Variants in STARD13 observed in about 807,000 individuals in gnomAD.
The protein encoded by STARD13 is StAR related lipid transfer domain containing 13.
Under a neutral mutation model 106.4 loss-of-function variants are expected in STARD13, and 62 were observed. The observed-to-expected ratio is 0.58, with a 90% CI of 0.48 to 0.72. The LOEUF is 0.72. STARD13 is among the 30% of genes least tolerant of loss of function. The probability of loss-of-function intolerance (pLI) is 0.00; values close to 1 mark genes in which losing one functional copy is unlikely to be tolerated. For missense variants in STARD13, 1,387 were observed against 1,424.0 expected (o/e 0.97, Z 0.42); for synonymous variants, 565 against 553.0 (o/e 1.02, Z -0.31).
the STARD13 span, among the ~76,000 whole-genome samples, chr13:33,419,654 G>C: frequency 4.6e-5 from 7 of 152,168 alleles, no homozygotes; most frequent in African/African-American, 1.7e-4. Context: ...ACACATAATT[G>C]TCAGATTCAC....
chr13:33,374,702 G>T, the STARD13 span, among the ~76,000 whole-genome samples: 1 of 152,136 alleles, frequency 6.6e-6, no homozygotes, highest in East Asian at 1.9e-4. Flanking sequence ...AATAGAGATG[G>T]TGGGGGCAGG....
At chr13:33,391,891 T>C in the STARD13 span, among the ~76,000 whole-genome samples, 647 of 152,232 alleles carry the variant, frequency 4.3e-3, 9 homozygotes, top group African/African-American at 0.014. Flanking sequence ...GCAATACTTA[T>C]GATTTTTTGG....
chr13:33,172,201 C>T (rs758046144), intron 1 of STARD13, among the ~76,000 whole-genome samples: 15 of 152,110 alleles, frequency 9.9e-5, no homozygotes, highest in Middle Eastern at 3.4e-3. Context: ...GAATACATTG[C>T]GAATATTTTC....
At chr13:33,438,968 G>C in the STARD13 span, among the ~76,000 whole-genome samples, 1 of 152,208 alleles carries the variant, frequency 6.6e-6, no homozygotes. Flanking sequence ...TAACTTTCAA[G>C]TCTAGCAATA....
At chr13:33,227,451 G>A (rs1050395860) in intron 1 of STARD13, among the ~76,000 whole-genome samples, 4 of 152,150 alleles carry the variant, frequency 2.6e-5, no homozygotes, top group Non-Finnish European at 4.4e-5. Context: ...TCTACAAATA[G>A]TGAAGCTAGT....
chr13:33,334,591 C>A (rs571997907), intron 1 of STARD13, among the ~76,000 whole-genome samples: 2 of 152,290 alleles, frequency 1.3e-5, no homozygotes, highest in South Asian at 4.1e-4. Context: ...GAGAGACCCT[C>A]AAGAGGTGGG....
chr13:33,496,643 TC>T, the STARD13 span, among the ~76,000 whole-genome samples: 1 of 152,102 alleles, frequency 6.6e-6, no homozygotes, highest in East Asian at 1.9e-4. Flanking sequence ...GTATCAAGCA[TC>T]CAAATGGCTT....
At chr13:33,135,551 T>G (rs1878944581) in intron 4 of STARD13, among the ~76,000 whole-genome samples, 2 of 152,192 alleles carry the variant, frequency 1.3e-5, no homozygotes, top group African/African-American at 4.8e-5. Flanking sequence ...ACTTTATAAT[T>G]ATAAGAATTG....
At chr13:33,116,555 T>C (rs773321212) in intron 8 of STARD13, among the ~76,000 whole-genome samples, 15 of 152,242 alleles carry the variant, frequency 9.9e-5, no homozygotes, top group Admixed American at 2.6e-4. Flanking sequence ...GGCTTCTTGC[T>C]TGTGACTCAG....
At chr13:33,298,508 A>G (rs917501710) in intron 1 of STARD13, among the ~76,000 whole-genome samples, 3 of 152,040 alleles carry the variant, frequency 2.0e-5, no homozygotes, top group African/African-American at 4.8e-5. Flanking sequence ...CCCTCCTGCC[A>G]CAAAACACCA....
chr13:33,651,758 T>A, the STARD13 span, among the ~76,000 whole-genome samples: 4 of 152,190 alleles, frequency 2.6e-5, no homozygotes, highest in Non-Finnish European at 5.9e-5. Flanking sequence ...ATAGAGTATG[T>A]TGGAATTATG....
At chr13:33,193,566 C>T (rs1886403089) in intron 1 of STARD13, among the ~76,000 whole-genome samples, 1 of 152,182 alleles carries the variant, frequency 6.6e-6, no homozygotes, top group Admixed American at 6.5e-5. Context: ...AAGCTTAGAA[C>T]ACAACCAGCG....
chr13:33,262,662 A>ACACAACACAC (rs5802678), intron 1 of STARD13, among the ~76,000 whole-genome samples: 271 of 114,978 alleles, frequency 2.4e-3, no homozygotes, highest in South Asian at 5.8e-3. Context: ...ACACACACAC[A>ACACAACACAC]ACACACACAC....
chr13:33,584,062 T>C, the STARD13 span, among the ~76,000 whole-genome samples: 3 of 152,246 alleles, frequency 2.0e-5, no homozygotes, highest in African/African-American at 7.2e-5. Context: ...ACAGTGATTG[T>C]ACCATTTTAC....
chr13:33,247,022 C>T (rs1318229714), intron 1 of STARD13, among the ~76,000 whole-genome samples: 1 of 151,940 alleles, frequency 6.6e-6, no homozygotes, highest in African/African-American at 2.4e-5. Context: ...CATGGTGAAA[C>T]CCCGTCTCTA....
chr13:33,117,896 T>A, intron 8 of STARD13, 169 bp downstream of exon 8: 1 of 985,378 alleles, frequency 1.0e-6, no homozygotes, highest in South Asian at 4.7e-5. Flanking sequence ...CTTGTGGATT[T>A]CCATATCAAA....
At chr13:33,438,103 T>C in the STARD13 span, among the ~76,000 whole-genome samples, 1 of 152,236 alleles carries the variant, frequency 6.6e-6, no homozygotes, top group Non-Finnish European at 1.5e-5. Context: ...CGGTTGTTTC[T>C]TACTTTCTTG....
chr13:33,167,848 TA>T (rs1336062506), intron 1 of STARD13, among the ~76,000 whole-genome samples: 1 of 152,042 alleles, frequency 6.6e-6, no homozygotes, highest in Non-Finnish European at 1.5e-5. Flanking sequence ...TGTAGATCCA[TA>T]AGTATGTGGA....
At chr13:33,613,160 A>G in the STARD13 span, among the ~76,000 whole-genome samples, 1 of 152,226 alleles carries the variant, frequency 6.6e-6, no homozygotes, top group Non-Finnish European at 1.5e-5. Flanking sequence ...GAATAAAAAT[A>G]CTTTGCATGT....
Sources: gnomAD v4.1 joint callset for allele counts (sites outside exome capture counted in the v4.1 genomes callset) on GRCh38, gnomAD v4.1.1 for gene constraint, MANE v1.5 for transcripts, NCBI Gene and HGNC (gene_info 2026-07-23, HGNC 2026-07-21) for gene names.